The following LRRIQ3 variants were observed in gnomAD, a reference collection of about 807,000 sequenced individuals.
The protein encoded by LRRIQ3 is leucine rich repeats and IQ motif containing 3.
Under a neutral mutation model 59.3 loss-of-function variants are expected in LRRIQ3, and 75 were observed. The ratio of observed to expected loss-of-function variants is 1.26; its 90% CI spans 1.05 to 1.53. The LOEUF (loss-of-function observed/expected upper bound fraction) is 1.53, where lower values mean the gene tolerates loss of function less well. LRRIQ3 is among the 40% of genes most tolerant of loss of function. The probability of loss-of-function intolerance (pLI) is 0.00; values close to 1 mark genes in which losing one functional copy is unlikely to be tolerated. For missense variants in LRRIQ3, 831 were observed against 710.0 expected (o/e 1.17, Z -1.94); for synonymous variants, 250 against 231.3 (o/e 1.08, Z -0.73).
intron 4 of LRRIQ3, among the ~76,000 whole-genome samples, chr1:74,130,610 T>G (rs776810749): frequency 1.3e-5 from 2 of 152,244 alleles, no homozygotes; most frequent in Middle Eastern, 6.8e-3. Context: ...TAAATGTGAT[T>G]TTTTTTGTGC....
chr1:74,133,461 C>T (rs1443837004), intron 4 of LRRIQ3, among the ~76,000 whole-genome samples: 3 of 151,978 alleles, frequency 2.0e-5, no homozygotes, highest in Admixed American at 6.6e-5. Flanking sequence ...TGGAACCAAC[C>T]CAAATGTCCA....
intron 5 of LRRIQ3, among the ~76,000 whole-genome samples, chr1:74,097,507 C>A (rs1646465447): frequency 6.6e-6 from 1 of 152,074 alleles, no homozygotes; most frequent in African/African-American, 2.4e-5. Context: ...GAGAACTTCC[C>A]CAGCCTAGAA....
intron 6 of LRRIQ3, among the ~76,000 whole-genome samples, chr1:74,047,222 G>GA (rs1232783276): frequency 6.6e-6 from 1 of 152,128 alleles, no homozygotes; most frequent in Non-Finnish European, 1.5e-5. Context: ...ACTGGATAAA[G>GA]AAAATGTGGC....
At chr1:74,182,966 C>T (rs1439304919) in intron 2 of LRRIQ3, 105 bp from the exon 3 acceptor site, 1 of 602,998 alleles carries the variant, frequency 1.7e-6, no homozygotes, top group Non-Finnish European at 2.7e-6. Context: ...CCCCAAATAG[C>T]AAGTTTCTAA....
intron 4 of LRRIQ3, among the ~76,000 whole-genome samples, chr1:74,145,179 A>C (rs1218715477): frequency 6.6e-6 from 1 of 152,140 alleles, no homozygotes; most frequent in Non-Finnish European, 1.5e-5. Flanking sequence ...CTAAGGCCAC[A>C]GTCATATGAC....
intron 6 of LRRIQ3, among the ~76,000 whole-genome samples, chr1:74,063,603 T>C (rs995809546): frequency 1.1e-4 from 16 of 152,140 alleles, no homozygotes; most frequent in African/African-American, 3.6e-4. Context: ...ATTTGTTATA[T>C]ATTCCTAAAG....
chr1:74,050,904 C>T lies in LRRIQ3; in HGVS notation c.998-8971G>A, dbSNP rs527372120. Among the ~76,000 whole-genome samples the T allele has an allele frequency of 5.9e-5, 9 of 152,252 alleles. No homozygotes were observed. The South Asian group carries it at 1.7e-3, about 28-fold the overall frequency. On this transcript the variant is annotated intron_variant, in intron 6 of 7. Transcript: ENST00000354431. ...TAGTAGCAAATGTTTTCAATGAAGT[C>T]TCTCCCATTACACACGCACATATAC...
In LRRIQ3 at chr1:74,142,760, T is replaced by A. The variant is rs557340614; in HGVS notation, c.707+12973A>T. On this transcript the variant is annotated intron_variant, in intron 4 of 7. Transcript: ENST00000354431. Reference sequence around the variant, plus strand: ...TGTTACATCTTGAATCATTAGGGCATGCGTCAAGGCCATGCCACTTATTTT... The same window carrying A: ...TGTTACATCTTGAATCATTAGGGCAAGCGTCAAGGCCATGCCACTTATTTT... Among the ~76,000 whole-genome samples the A allele has an allele frequency of 4.6e-5, 7 of 152,132 alleles. No individual in the cohort carries two copies. The South Asian group carries it at 1.4e-3, about 31-fold the overall frequency.
rs188887258 is a variant in LRRIQ3 at position 74,141,125 on chromosome 1, G to A, written c.707+14608C>T. Among the ~76,000 whole-genome samples the A allele has an allele frequency of 5.8e-4, 88 of 151,792 alleles. 2 individuals carry two copies. Among genetic ancestry groups the A allele is most frequent in the Admixed American group, 9.2e-4 (14 of 15,160 alleles). On this transcript the variant is annotated intron_variant, in intron 4 of 7. Transcript: ENST00000354431. ...CTTATGATTAGGAATCATAATTTGC[G>A]TCTTTTTACATTCTCAACACCTAAA...
Position 74,198,053 on chromosome 1 carries a change from C to A in LRRIQ3, c.-58G>T. 1 of 913,758 alleles carries A rather than the reference C, an allele frequency of 1.1e-6. No individual in the cohort carries two copies. The highest frequency in any genetic ancestry group is 1.6e-6 in the Non-Finnish European group (1 of 630,876). The allele number at this position is 913,758 out of a possible 1,614,324, so 56.6% of individuals were successfully genotyped here. On this transcript the variant is annotated 5_prime_UTR_variant, in exon 1 of 8. Transcript: ENST00000354431. Reference sequence around the variant, plus strand: ...GGAGACAAGTGGCCCAGCCCCAACACAGTCAGACAAATCGCTGGGCGGCCA... The same window carrying A: ...GGAGACAAGTGGCCCAGCCCCAACAAAGTCAGACAAATCGCTGGGCGGCCA...
intron 5 of LRRIQ3, chr1:74,083,743 T>C (rs1044821344): frequency 1.3e-5 from 2 of 153,200 alleles, no homozygotes; most frequent in Non-Finnish European, 2.9e-5. Context: ...TTGAAACACA[T>C]TGAAATAGCC....
In LRRIQ3 at chr1:74,128,569, T is replaced by A. The variant is rs943626251; in HGVS notation, c.708-19016A>T. On this transcript the variant is annotated intron_variant, in intron 4 of 7. Coordinates refer to ENST00000354431, the MANE Select transcript of LRRIQ3 (RefSeq NM_001105659.2). ...TAAATCATCTGTCTGAAAGTTCACA[T>A]ATGTCTCTCTCAACAGGATTAGTCC... Among the ~76,000 whole-genome samples, 3 of 152,126 alleles carry A rather than the reference T, an allele frequency of 2.0e-5. No individual in the cohort carries two copies. The East Asian group carries it at 5.8e-4, about 29-fold the overall frequency.
chr1:74,187,327 T>C (rs1221308751), intron 1 of LRRIQ3, among the ~76,000 whole-genome samples: 1 of 147,626 alleles, frequency 6.8e-6, no homozygotes, highest in Non-Finnish European at 1.5e-5. Context: ...GAGAGATATA[T>C]AGATATATAT....
At chr1:74,063,324 G>C (rs1200046034) in intron 6 of LRRIQ3, among the ~76,000 whole-genome samples, 1 of 151,918 alleles carries the variant, frequency 6.6e-6, no homozygotes, top group Non-Finnish European at 1.5e-5. Context: ...CTTGTATATG[G>C]TTTAAACTGG....
At position 74,039,327 on chromosome 1, in the gene LRRIQ3, T is replaced by TA. The variant is rs998860491; in HGVS notation, c.1718+1885dup. Among the ~76,000 whole-genome samples, 41 of 150,862 alleles carry TA rather than the reference T, an allele frequency of 2.7e-4. No individual in the cohort carries two copies. The East Asian group carries it at 3.1e-3, about 11-fold the overall frequency. On this transcript the variant is annotated intron_variant, in intron 7 of 7. Coordinates refer to ENST00000354431, the MANE Select transcript of LRRIQ3 (RefSeq NM_001105659.2). Reference sequence around the variant, plus strand: ...AATCTCTGAGAAATATGGGACTATGTAAAAAAAAATGAACCTATGACTGAC... The same window carrying TA: ...AATCTCTGAGAAATATGGGACTATGTAAAAAAAAAATGAACCTATGACTGAC...
At chr1:74,182,941 A>G (rs1650088706) in intron 2 of LRRIQ3, 80 bp from the exon 3 acceptor site, 1 of 689,446 alleles carries the variant, frequency 1.5e-6, no homozygotes, top group East Asian at 2.9e-5. Context: ...TATTACACAT[A>G]TAAAATTCAA....
At chr1:74,129,564 T>A (rs1451592768) in intron 4 of LRRIQ3, among the ~76,000 whole-genome samples, 4 of 152,022 alleles carry the variant, frequency 2.6e-5, no homozygotes, top group African/African-American at 9.7e-5. Context: ...AGACCCTTGG[T>A]GCTCTACTCT....
chr1:74,133,168 C>T (rs74366025), intron 4 of LRRIQ3, among the ~76,000 whole-genome samples: 129,135 of 151,972 alleles, frequency 0.85, 55,739 homozygotes, highest in East Asian at 0.97. Flanking sequence ...TGAGATACCA[C>T]CTCACACCAG....
At chr1:74,135,200 CACA>C (rs1647101510) in intron 4 of LRRIQ3, among the ~76,000 whole-genome samples, 1 of 151,768 alleles carries the variant, frequency 6.6e-6, no homozygotes, top group Non-Finnish European at 1.5e-5. Flanking sequence ...ATCAGGTACA[CACA>C]ACAATTCTAA....
Sources: allele counts gnomAD v4.1 joint callset (sites outside exome capture counted in the v4.1 genomes callset), GRCh38; gene constraint gnomAD v4.1.1; transcripts MANE v1.5; gene names NCBI Gene and HGNC (gene_info 2026-07-23, HGNC 2026-07-21).